The following ZMIZ1 variants were observed in gnomAD, a reference collection of about 807,000 sequenced individuals.
ZMIZ1 encodes the protein zinc finger MIZ domain-containing protein 1.
Under a neutral mutation model 113.9 loss-of-function variants are expected in ZMIZ1, and 17 were observed. That is an observed-to-expected ratio of 0.15 (90% confidence interval 0.10 to 0.22). ZMIZ1 has a LOEUF of 0.22. Among genes scored for constraint, ZMIZ1 ranks in the 10% least tolerant of loss-of-function variants. The pLI is 1.00. For missense variants in ZMIZ1, 1,059 were observed against 1,477.8 expected (o/e 0.72, Z 4.65); for synonymous variants, 607 against 603.1 (o/e 1.01, Z -0.09).
chr10:79,309,026 T>C (rs1006736188), intron 23 of ZMIZ1, among the ~76,000 whole-genome samples: 2 of 152,150 alleles, frequency 1.3e-5, no homozygotes, highest in African/African-American at 4.8e-5. Context: ...CAAGCAGACC[T>C]GGAAGTGCGG....
chr10:79,139,368 G>A (rs1013035809), intron 2 of ZMIZ1, among the ~76,000 whole-genome samples: 2 of 152,284 alleles, frequency 1.3e-5, no homozygotes, highest in Middle Eastern at 3.4e-3. Context: ...CCTGGGGGCC[G>A]TACAGGAAAG....
intron 4 of ZMIZ1, among the ~76,000 whole-genome samples, chr10:79,177,051 C>T (rs1034913573): frequency 1.3e-5 from 2 of 152,248 alleles, no homozygotes; most frequent in East Asian, 1.9e-4. Flanking sequence ...CGGCCTGTCT[C>T]GGTTCCCAGC....
chr10:79,097,745 A>T (rs1843220042), intron 1 of ZMIZ1, among the ~76,000 whole-genome samples: 1 of 152,100 alleles, frequency 6.6e-6, no homozygotes, highest in South Asian at 2.1e-4. Context: ...TGAAGTTTTT[A>T]TCAATTTCTG....
In ZMIZ1 at chr10:79,315,308, G is replaced by T; in HGVS notation, c.*2559G>T. 1 of 153,180 alleles carries T rather than the reference G, an allele frequency of 6.5e-6. No homozygotes were observed. Among genetic ancestry groups the T allele is most frequent in the Non-Finnish European group, 1.5e-5 (1 of 68,248 alleles). 9.5% of individuals were successfully genotyped at this position (153,180 alleles called of 1,614,324 possible). A position where few individuals can be genotyped will look rare whatever the true frequency, so the allele number is the denominator to read the frequency against. On this transcript the variant is annotated 3_prime_UTR_variant, in exon 25 of 25. Transcript: ENST00000334512. ...GTGAGGGAGGTGCAGAGGCATCCGG[G>T]GCGGGAGCAAGCCCCAGGTTGTGAC...
At chr10:79,214,103 A>G (rs1345836672) in intron 6 of ZMIZ1, among the ~76,000 whole-genome samples, 1 of 152,120 alleles carries the variant, frequency 6.6e-6, no homozygotes, top group Non-Finnish European at 1.5e-5. Flanking sequence ...TCCAGCCCAG[A>G]ATCTTCCTCC....
intron 7 of ZMIZ1, among the ~76,000 whole-genome samples, chr10:79,251,310 G>A (rs909688214): frequency 2.6e-5 from 4 of 152,120 alleles, no homozygotes; most frequent in African/African-American, 9.7e-5. Context: ...CTAGGGCTGT[G>A]GGAGGATTAA....
chr10:79,090,981 G>C (rs1564644537), intron 1 of ZMIZ1, among the ~76,000 whole-genome samples: 1 of 152,204 alleles, frequency 6.6e-6, no homozygotes. Context: ...AGAGGGCCCC[G>C]CCTTGGGGGG....
At chr10:79,310,529 G>A (rs531610910) in intron 23 of ZMIZ1, among the ~76,000 whole-genome samples, 38 of 152,206 alleles carry the variant, frequency 2.5e-4, no homozygotes, top group South Asian at 4.1e-4. Flanking sequence ...TGAGGCAGCC[G>A]CCCTCCTGCC....
chr10:79,311,932 C>T lies in ZMIZ1; in HGVS notation c.3097-710C>T, dbSNP rs117890861. On this transcript the variant is annotated intron_variant, in intron 24 of 24. Coordinates refer to ENST00000334512, the MANE Select transcript of ZMIZ1 (RefSeq NM_020338.4). ...GCCCCTCCTGTTCTTCACCCCCAGC[C>T]CTGCTCTGTCAGCCTCTGCCCTGCA... Among the ~76,000 whole-genome samples the T allele has an allele frequency of 8.3e-4, 126 of 152,306 alleles. 2 individuals are homozygous for T. In the East Asian group the frequency reaches 0.022, roughly 27 times the overall value.
chr10:79,251,475 G>T (rs763208746), intron 7 of ZMIZ1, among the ~76,000 whole-genome samples: 20 of 152,058 alleles, frequency 1.3e-4, no homozygotes, highest in Non-Finnish European at 2.1e-4. Flanking sequence ...CAGCTTTGGG[G>T]CCTCTTTATT....
At chr10:79,280,167 T>A (rs557032360) in intron 8 of ZMIZ1, among the ~76,000 whole-genome samples, 49 of 152,102 alleles carry the variant, frequency 3.2e-4, no homozygotes, top group African/African-American at 1.2e-3. Flanking sequence ...TTTTGTATTT[T>A]TAGTAGAGAT....
At chr10:79,210,678 AG>A (rs1564527451) in intron 6 of ZMIZ1, among the ~76,000 whole-genome samples, 3 of 152,234 alleles carry the variant, frequency 2.0e-5, no homozygotes, top group African/African-American at 7.2e-5. Flanking sequence ...ATGTGAGATG[AG>A]GCAGAGGAAG....
At chr10:79,294,381 GTTGGGGAAGAT>G (rs905466801) in intron 12 of ZMIZ1, 2 of 152,624 alleles carry the variant, frequency 1.3e-5, no homozygotes. Flanking sequence ...CAGCCAAGGT[GTTGGGGAAGAT>G]TTGGGGAAGT....
chr10:79,234,986 CTG>C (rs769964377), intron 7 of ZMIZ1, among the ~76,000 whole-genome samples: 77 of 152,266 alleles, frequency 5.1e-4, no homozygotes, highest in Non-Finnish European at 9.6e-4. Flanking sequence ...CAGGTAGCAT[CTG>C]TCTCAGTTGG....
At chr10:79,237,259 C>T (rs951743484) in intron 7 of ZMIZ1, among the ~76,000 whole-genome samples, 3 of 152,178 alleles carry the variant, frequency 2.0e-5, no homozygotes, top group East Asian at 1.9e-4. Context: ...GGCTGGGTCA[C>T]GCGGGGGGCT....
chr10:79,236,436 C>T (rs1849592699), intron 7 of ZMIZ1, among the ~76,000 whole-genome samples: 1 of 152,210 alleles, frequency 6.6e-6, no homozygotes, highest in Non-Finnish European at 1.5e-5. Context: ...CGGAAGCCCC[C>T]ATCAAAGCTG....
chr10:79,245,303 T>G (rs1191527626), intron 7 of ZMIZ1, among the ~76,000 whole-genome samples: 1 of 152,142 alleles, frequency 6.6e-6, no homozygotes, highest in East Asian at 1.9e-4. Context: ...GTGCCCGAGA[T>G]CATCCAGTTG....
rs747745844 is a variant in ZMIZ1, at chr10:79,306,087, C to G, written c.2424-13C>G. 2 of 1,607,938 alleles carry G rather than the reference C, an allele frequency of 1.2e-6. No homozygotes were observed. The highest frequency in any genetic ancestry group is 2.2e-5 in the South Asian group (2 of 90,990). ...ACCCCGGAGCCTCAGCTCTGCCACC[C>G]TTCCTCCCCCAGCTCCGAGTTTGAA... is the stretch of plus-strand genomic sequence containing the variant. On this transcript the variant is annotated splice_polypyrimidine_tract_variant and intron_variant, in intron 21 of 24. Coordinates refer to ENST00000334512, the MANE Select transcript of ZMIZ1 (RefSeq NM_020338.4).
chr10:79,188,571 C>T (rs1847450023), intron 4 of ZMIZ1, among the ~76,000 whole-genome samples: 1 of 152,124 alleles, frequency 6.6e-6, no homozygotes, highest in Admixed American at 6.5e-5. Flanking sequence ...TTTCTGGTCA[C>T]GCCTTTGTGG....
Sources: gnomAD v4.1 joint callset for allele counts (sites outside exome capture counted in the v4.1 genomes callset) on GRCh38, gnomAD v4.1.1 for gene constraint, MANE v1.5 for transcripts, NCBI Gene and HGNC (gene_info 2026-07-23, HGNC 2026-07-21) for gene names.